BCR: variants seen among roughly 807,000 people sequenced by gnomAD.
BCR encodes BCR activator of RhoGEF and GTPase.
BCR carries 58 observed loss-of-function variants against 138.6 expected under a neutral mutation model. The ratio of observed to expected loss-of-function variants is 0.42; its 90% CI spans 0.34 to 0.52. The LOEUF (loss-of-function observed/expected upper bound fraction) is 0.52. BCR is among the 20% of genes least tolerant of loss of function. BCR has a pLI of 0.06. For missense variants in BCR, 1,599 were observed against 1,727.2 expected (o/e 0.93, Z 1.32); for synonymous variants, 786 against 730.1 (o/e 1.08, Z -1.23).
intron 16 of BCR, among the ~76,000 whole-genome samples, chr22:23,298,670 A>T (rs1002593398): frequency 1.6e-4 from 24 of 151,184 alleles, no homozygotes; most frequent in African/African-American, 4.9e-4. Context: ...ATCTCAGCTT[A>T]CTGCAACCTC....
At position 23,261,069 on chromosome 22, in the gene BCR, G is replaced by T; in HGVS notation, c.1566+15G>T. 6.2e-7 allele frequency: 1 copy of T among 1,611,472 alleles called. No homozygotes were observed. The highest frequency in any genetic ancestry group is 1.1e-5 in the South Asian group (1 of 90,970). Reference sequence around the variant, plus strand: ...CACTGCTGCTGGTGAGGAGGATTTAGGGAGCTGAGCAGGGCGGGATGGGGC... The same window carrying T: ...CACTGCTGCTGGTGAGGAGGATTTATGGAGCTGAGCAGGGCGGGATGGGGC... On this transcript the variant is annotated intron_variant, in intron 3 of 22. Transcript: ENST00000305877.
intron 1 of BCR, among the ~76,000 whole-genome samples, chr22:23,226,696 T>C (rs767968400): frequency 2.6e-5 from 4 of 152,218 alleles, no homozygotes; most frequent in Admixed American, 6.5e-5. Context: ...CATGCTATGA[T>C]GACAAGGTTG....
chr22:23,220,519 C>T (rs1358460527), intron 1 of BCR, among the ~76,000 whole-genome samples: 1 of 152,178 alleles, frequency 6.6e-6, no homozygotes, highest in African/African-American at 2.4e-5. Flanking sequence ...CCAGCCCCAC[C>T]CAGGCTTGGT....
intron 1 of BCR, among the ~76,000 whole-genome samples, chr22:23,238,198 G>A (rs192630925): frequency 6.6e-6 from 1 of 152,214 alleles, no homozygotes; most frequent in African/African-American, 2.4e-5. Context: ...TAAGGGGGAT[G>A]ATCGAAGAAA....
intron 16 of BCR, among the ~76,000 whole-genome samples, chr22:23,298,007 A>G (rs924427140): frequency 2.0e-5 from 3 of 152,248 alleles, no homozygotes; most frequent in Non-Finnish European, 4.4e-5. Context: ...GTGTCGAAGA[A>G]AAACCCGAGC....
chr22:23,235,136 G>A lies in BCR; in HGVS notation c.1280-18663G>A, dbSNP rs1049007624. Among the ~76,000 whole-genome samples, 11 of 143,670 alleles carry A rather than the reference G, an allele frequency of 7.7e-5. 2 individuals carry two copies. The highest frequency in any genetic ancestry group is 1.1e-4 in the Non-Finnish European group (7 of 63,150). 94.3% of individuals were successfully genotyped at this position (143,670 alleles called of 152,430 possible). A position where few individuals can be genotyped will look rare whatever the true frequency, so the allele number is the denominator to read the frequency against. ...TTGTTTTTTTGAGATGGAGTCTCTC[G>A]CTCTGTCACCCAGGCTGGAGTGCAG... On this transcript the variant is annotated intron_variant, in intron 1 of 22. Transcript: ENST00000305877.
At chr22:23,223,081 G>A (rs1326384677) in intron 1 of BCR, among the ~76,000 whole-genome samples, 1 of 152,100 alleles carries the variant, frequency 6.6e-6, no homozygotes, top group African/African-American at 2.4e-5. Context: ...CATTCATGAG[G>A]GTTCCACCCT....
chr22:23,194,892 G>T (rs1297756369), intron 1 of BCR, among the ~76,000 whole-genome samples: 1 of 152,132 alleles, frequency 6.6e-6, no homozygotes, highest in East Asian at 1.9e-4. Flanking sequence ...AGCAAACTAT[G>T]ATTGCACCAC....
At chr22:23,309,289 C>A (rs2073982856) in intron 16 of BCR, 135 bp from the exon 17 acceptor site, 2 of 830,278 alleles carry the variant, frequency 2.4e-6, no homozygotes, top group East Asian at 2.7e-5. Flanking sequence ...CTGTTGGCCT[C>A]TGGATGGAGG....
intron 1 of BCR, among the ~76,000 whole-genome samples, chr22:23,251,671 G>C (rs1332181366): frequency 1.3e-5 from 2 of 152,256 alleles, no homozygotes; most frequent in African/African-American, 4.8e-5. Flanking sequence ...CTGGGTGTGT[G>C]TGGTGGCAGT....
At chr22:23,184,611 C>A (rs182407353) in intron 1 of BCR, among the ~76,000 whole-genome samples, 1 of 152,264 alleles carries the variant, frequency 6.6e-6, no homozygotes, top group East Asian at 1.9e-4. Flanking sequence ...TTGTTACAGT[C>A]CATGAACCTA....
intron 4 of BCR, chr22:23,264,222 C>T: frequency 1.8e-6 from 2 of 1,093,460 alleles, no homozygotes; most frequent in South Asian, 1.2e-5. Context: ...GGACCGGCAC[C>T]AAAGGGCCTG....
chr22:23,236,881 C>T (rs902705819), intron 1 of BCR, among the ~76,000 whole-genome samples: 9 of 152,140 alleles, frequency 5.9e-5, no homozygotes, highest in African/African-American at 9.7e-5. Flanking sequence ...GAATAGTACC[C>T]GAGTCAGTTG....
intron 1 of BCR, among the ~76,000 whole-genome samples, chr22:23,227,124 G>A (rs541293520): frequency 6.6e-6 from 1 of 152,324 alleles, no homozygotes; most frequent in East Asian, 1.9e-4. Context: ...CCGAATGATT[G>A]ATAGGGTAGA....
At chr22:23,268,628 T>G in intron 5 of BCR, 113 bp downstream of exon 5, 1 of 935,188 alleles carries the variant, frequency 1.1e-6, no homozygotes, top group Non-Finnish European at 1.7e-6. Context: ...ACCCCAGCTG[T>G]TTCCAGATTC....
At chr22:23,263,200 C>T (rs2073391004) in intron 4 of BCR, 8 of 912,042 alleles carry the variant, frequency 8.8e-6, no homozygotes, top group South Asian at 1.7e-5. Context: ...TGCCCGGCTG[C>T]GGGGCCAGCG....
chr22:23,268,183 C>T (rs192254280), intron 4 of BCR, among the ~76,000 whole-genome samples: 11 of 152,180 alleles, frequency 7.2e-5, no homozygotes, highest in Admixed American at 5.9e-4. Flanking sequence ...TGCCTGGCGC[C>T]GTGAGTCACT....
At chr22:23,275,286 T>C (rs902505076) in intron 8 of BCR, among the ~76,000 whole-genome samples, 1 of 152,102 alleles carries the variant, frequency 6.6e-6, no homozygotes, top group African/African-American at 2.4e-5. Flanking sequence ...AGACTCAGAG[T>C]CCCATGCCAG....
chr22:23,200,993 C>T (rs1403842686), intron 1 of BCR, among the ~76,000 whole-genome samples: 3 of 152,182 alleles, frequency 2.0e-5, no homozygotes, highest in East Asian at 1.9e-4. Flanking sequence ...TGCTGGTGGA[C>T]GGGTCTAGGC....
Sources: allele counts gnomAD v4.1 joint callset (sites outside exome capture counted in the v4.1 genomes callset), GRCh38; gene constraint gnomAD v4.1.1; transcripts MANE v1.5; gene names NCBI Gene and HGNC (gene_info 2026-07-23, HGNC 2026-07-21).